SECTM1: variants seen among roughly 807,000 people sequenced by gnomAD.
SECTM1 encodes the protein secreted and transmembrane 1.
SECTM1 carries 10 observed loss-of-function variants against 18.1 expected under a neutral mutation model. That is an observed-to-expected ratio of 0.55 (90% CI 0.34 to 0.94). The LOEUF is 0.94. SECTM1 is among the 40% of genes least tolerant of loss of function. The pLI is 0.02. For missense variants in SECTM1, 297 were observed against 322.6 expected, an observed-to-expected ratio of 0.92 and a Z score of 0.61; for synonymous variants, 137 against 139.2, an observed-to-expected ratio of 0.98 and a Z score of 0.11.
At position 82,330,471 on chromosome 17, in the gene SECTM1, C is replaced by T. The variant is rs1046168784; in HGVS notation, c.-52-3179G>A. 5.9e-5 allele frequency among the ~76,000 whole-genome samples: 9 copies of T among 152,162 alleles called. No individual in the cohort carries two copies. The highest frequency in any genetic ancestry group is 2.2e-4 in the African/African-American group (9 of 41,450). ...CCACCCAGGTGCTGGCTCTGCCACC[C>T]GTCTGTGTCCTGAGTCAGCCCTGAC... On this transcript the variant is annotated intron_variant, in intron 1 of 4. Transcript: ENST00000269389. The surrounding 1 kb of genome is among the most constrained non-coding windows in gnomAD (Gnocchi z 6.1).
At chr17:82,322,483 C>T in intron 4 of SECTM1, 113 bp from the exon 5 acceptor site, 1 of 1,021,014 alleles carries the variant, frequency 9.8e-7, no homozygotes, top group Non-Finnish European at 1.5e-6. Context: ...ACACCCCCAC[C>T]CCCAGGCACA....
Position 82,324,758 on chromosome 17 carries a change from G to C in SECTM1, c.227C>G (p.Ala76Gly). The C allele has an allele frequency of 6.2e-7, 1 of 1,614,130 alleles. No individual in the cohort carries two copies. ...GCCTGGAGCCACCTCATTGAAGATGGCGCTCTCCTGCCCGTGGGCACGCAG... is the reference window on the plus strand; with the variant it reads ...GCCTGGAGCCACCTCATTGAAGATGCCGCTCTCCTGCCCGTGGGCACGCAG... ...IKLRAHGQES[A>G]IFNEVAPGYF... Residue 76 changes from alanine to glycine, a missense_variant, in exon 3 of 5, where the codon GCC becomes GGC. By Grantham distance (60) the Ala-to-Gly change is moderately conservative. Coordinates refer to ENST00000269389, the MANE Select transcript of SECTM1 (RefSeq NM_003004.3).
At chr17:82,323,135 G>C (rs1229088271) in intron 3 of SECTM1, 124 bp from the exon 4 acceptor site, 4 of 1,186,870 alleles carry the variant, frequency 3.4e-6, no homozygotes, top group Admixed American at 2.5e-5. Flanking sequence ...CTTGGAAGAC[G>C]GCACCGCCGT....
rs571801098 is a variant in SECTM1 at position 82,322,321 on chromosome 17, G to C, written c.587C>G (p.Ala196Gly). 1.9e-6 allele frequency: 3 copies of C among 1,613,460 alleles called. No homozygotes were observed. The highest frequency in any genetic ancestry group is 2.2e-5 in the South Asian group (2 of 91,040). Residue 196 changes from alanine (A) to glycine (G), a missense_variant, in exon 5 of 5, where the codon GCG (alanine) becomes GGG (glycine). Transcript: ENST00000269389. ...EPQMKVAALR[A>G]GAQQGLSRAS... Reference sequence around the variant, plus strand: ...TCTGCTCAGGCCCTGCTGGGCTCCCGCTCTGAGGGCTGCGACCTTCATCTG... The same window carrying C: ...TCTGCTCAGGCCCTGCTGGGCTCCCCCTCTGAGGGCTGCGACCTTCATCTG...
chr17:82,325,815 G>C lies in SECTM1; in HGVS notation c.95-925C>G, dbSNP rs1243060716. Among the ~76,000 whole-genome samples the C allele has an allele frequency of 6.6e-6, 1 of 152,236 alleles. No homozygotes were observed. The highest frequency in any genetic ancestry group is 1.5e-5 in the Non-Finnish European group (1 of 68,034). On this transcript the variant is annotated intron_variant, in intron 2 of 4. Coordinates refer to ENST00000269389, the MANE Select transcript of SECTM1 (RefSeq NM_003004.3). The surrounding 1 kb of genome is among the most constrained non-coding windows in gnomAD (Gnocchi z 7.6). ...AGTGACTGGACACGGACGGATGGAC[G>C]GACAGACGGACGGCAGGGTGAGCTC...
At chr17:82,323,314 G>T (rs377481806) in intron 3 of SECTM1, 370 of 365,796 alleles carry the variant, frequency 1.0e-3, no homozygotes, top group African/African-American at 7.1e-3. Context: ...AGGCCTCGGG[G>T]TTCTGGGGAA....
In SECTM1 at chr17:82,325,463, G is replaced by A. The variant is rs1033190503; in HGVS notation, c.95-573C>T. The stretch of plus-strand genomic sequence containing the variant: ...CATGGGTTCCAGCCTGTCCTTGTGG[G>A]GCCCAGCCTGCTTGTGCCACCCCCA... On this transcript the variant is annotated intron_variant, in intron 2 of 4. Coordinates refer to ENST00000269389, the MANE Select transcript of SECTM1 (RefSeq NM_003004.3). The surrounding 1 kb of genome is among the most constrained non-coding windows in gnomAD (Gnocchi z 7.6). 6.6e-6 allele frequency among the ~76,000 whole-genome samples: 1 copy of A among 152,208 alleles called. No homozygotes were observed. The highest frequency in any genetic ancestry group is 2.4e-5 in the African/African-American group (1 of 41,452).
rs939898396 is a variant in SECTM1 at position 82,325,857 on chromosome 17, A to C, written c.95-967T>G. Among the ~76,000 whole-genome samples the C allele has an allele frequency of 2.0e-5, 3 of 152,196 alleles. No individual in the cohort carries two copies. The highest frequency in any genetic ancestry group is 4.4e-5 in the Non-Finnish European group (3 of 68,030). ...GGTGAGCTCTCGGGGAGCACACAGC[A>C]TGCTGGTTGGAGCCGCCATTTGGCC... On this transcript the variant is annotated intron_variant, in intron 2 of 4. Coordinates refer to ENST00000269389, the MANE Select transcript of SECTM1 (RefSeq NM_003004.3). The surrounding 1 kb of genome is among the most constrained non-coding windows in gnomAD (Gnocchi z 7.6).
In SECTM1 at chr17:82,325,909, G is replaced by T. The variant is rs2052141828; in HGVS notation, c.95-1019C>A. Among the ~76,000 whole-genome samples the T allele has an allele frequency of 6.6e-6, 1 of 152,254 alleles. No individual in the cohort carries two copies. Among genetic ancestry groups the T allele is most frequent in the Non-Finnish European group, 1.5e-5 (1 of 68,052 alleles). ...CATTTCACCAAATACAAAACCACAT[G>T]GTGGGTGCCATGTGCTGGCAAGTGC... On this transcript the variant is annotated intron_variant, in intron 2 of 4. Transcript: ENST00000269389. The surrounding 1 kb of genome is among the most constrained non-coding windows in gnomAD (Gnocchi z 7.6).
rs960958419 is a variant in SECTM1 at position 82,324,828 on chromosome 17, T to C, written c.157A>G (p.Met53Val). ...AAGGCGTTGGAGATGTTGCAGGACA[T>C]GACGGTGTTCTCGCCCCAAGACACA... ...VSVSWGENTV[M>V]SCNISNAFSH... is the part of the protein sequence containing the mutation. The change falls in exon 3 of 5, where the codon ATG becomes GTG. Residue 53 changes from methionine to valine, a missense_variant. Transcript: ENST00000269389. 1 of 1,614,042 alleles carries C rather than the reference T, an allele frequency of 6.2e-7. No individual in the cohort carries two copies. The highest frequency in any genetic ancestry group is 2.2e-5 in the East Asian group (1 of 44,870).
chr17:82,324,204 G>A (rs2052124369), intron 3 of SECTM1, among the ~76,000 whole-genome samples: 1 of 152,044 alleles, frequency 6.6e-6, no homozygotes, highest in African/African-American at 2.4e-5. Context: ...GGCGGGGGGT[G>A]CCTGGGCTTC....
rs1052954762 is a variant in SECTM1, at chr17:82,328,450, T to G, written c.-52-1158A>C. 2.0e-5 allele frequency: 3 copies of G among 152,328 alleles called. No homozygotes were observed. Among genetic ancestry groups the G allele is most frequent in the Non-Finnish European group, 2.9e-5 (2 of 68,138 alleles). The allele number at this position is 152,328 out of a possible 1,614,324, so 9.4% of individuals were successfully genotyped here. On this transcript the variant is annotated intron_variant, in intron 1 of 4. Transcript: ENST00000269389. This position sits in a 1 kb window ranked among gnomAD's most constrained non-coding sequence, Gnocchi z 5.8. ...AGAGTGGCTGGGGGATGAGGGTCCC[T>G]GTGTGGAAGCTCCACAAAGCCCCAC...
In SECTM1 at chr17:82,327,174, C is replaced by T; in HGVS notation, c.67G>A (p.Ala23Thr). The T allele has an allele frequency of 6.2e-7, 1 of 1,612,304 alleles. No homozygotes were observed. The highest frequency in any genetic ancestry group is 8.5e-7 in the Non-Finnish European group (1 of 1,179,216). ...SQALGTLLFLAASLSAQNEGW... is the reference protein window; with the variant it reads ...SQALGTLLFLTASLSAQNEGW... Reference sequence around the variant, plus strand: ...TCATTCTGAGCACTCAAGGAGGCAGCCAAAAACAGGAGGGTCCCAAGGGCC... The same window carrying T: ...TCATTCTGAGCACTCAAGGAGGCAGTCAAAAACAGGAGGGTCCCAAGGGCC... The change falls in exon 2 of 5, where the codon GCT becomes ACT. Residue 23 changes from alanine to threonine, a missense_variant. Transcript: ENST00000269389.
rs541187589 is a variant in SECTM1, at chr17:82,325,048, C to T, written c.95-158G>A. Among the ~76,000 whole-genome samples the T allele has an allele frequency of 3.9e-5, 6 of 152,074 alleles. No individual in the cohort carries two copies. Among genetic ancestry groups the T allele is most frequent in the Non-Finnish European group, 7.4e-5 (5 of 68,008 alleles). ...CCCGACCCAATCAGCACATATATCT[C>T]GTGTGGGAAGAATAAAATAGCAACA... On this transcript the variant is annotated intron_variant, in intron 2 of 4. Coordinates refer to ENST00000269389, the MANE Select transcript of SECTM1 (RefSeq NM_003004.3). This position sits in a 1 kb window ranked among gnomAD's most constrained non-coding sequence, Gnocchi z 7.6.
In SECTM1 at chr17:82,322,318, C is replaced by T. The variant is rs753811854; in HGVS notation, c.590G>A (p.Gly197Glu). The part of the protein sequence containing the change: ...PQMKVAALRA[G>E]AQQGLSRASA... ...GGCTCTGCTCAGGCCCTGCTGGGCTCCCGCTCTGAGGGCTGCGACCTTCAT... is the reference window on the plus strand; with the variant it reads ...GGCTCTGCTCAGGCCCTGCTGGGCTTCCGCTCTGAGGGCTGCGACCTTCAT... The change falls in exon 5 of 5, where the codon GGA becomes GAA. Residue 197 changes from glycine to glutamate, a missense_variant. Coordinates refer to ENST00000269389, the MANE Select transcript of SECTM1 (RefSeq NM_003004.3). 6.2e-7 allele frequency: 1 copy of T among 1,613,426 alleles called. No homozygotes were observed. The highest frequency in any genetic ancestry group is 1.7e-5 in the Admixed American group (1 of 59,952).
rs1209408641 is a variant in SECTM1, at chr17:82,321,446, C to T, written c.*715G>A. 6.6e-6 allele frequency: 1 copy of T among 152,344 alleles called. No homozygotes were observed. The highest frequency in any genetic ancestry group is 6.5e-5 in the Admixed American group (1 of 15,290). 9.4% of individuals were successfully genotyped at this position (152,344 alleles called of 1,614,324 possible). A position where few individuals can be genotyped will look rare whatever the true frequency, so the allele number is the denominator to read the frequency against. On this transcript the variant is annotated 3_prime_UTR_variant, in exon 5 of 5. Transcript: ENST00000269389. ...CCCGCCGCAGTGACGAAGACAAAAGCATGAACAGATCTGGGTCCAAAGAGG... is the reference window on the plus strand; with the variant it reads ...CCCGCCGCAGTGACGAAGACAAAAGTATGAACAGATCTGGGTCCAAAGAGG...
Position 82,323,468 on chromosome 17 carries a change from G to A in SECTM1, c.404-457C>T, listed in dbSNP as rs139129345. Reference sequence around the variant, plus strand: ...AAGCGGAACCCAATTTGGGTGACCCGGGTAGGTCGGAACCGGGTGTGGTGA... The same window carrying A: ...AAGCGGAACCCAATTTGGGTGACCCAGGTAGGTCGGAACCGGGTGTGGTGA... On this transcript the variant is annotated intron_variant, in intron 3 of 4. Transcript: ENST00000269389. Among the ~76,000 whole-genome samples, 100 of 151,814 alleles carry A rather than the reference G, an allele frequency of 6.6e-4. 1 individual carries two copies. The highest frequency in any genetic ancestry group is 2.1e-3 in the African/African-American group (85 of 41,390).
chr17:82,329,811 C>T lies in SECTM1; in HGVS notation c.-52-2519G>A, dbSNP rs1040324890. On this transcript the variant is annotated intron_variant, in intron 1 of 4. Coordinates refer to ENST00000269389, the MANE Select transcript of SECTM1 (RefSeq NM_003004.3). The surrounding 1 kb of genome is among the most constrained non-coding windows in gnomAD (Gnocchi z 7.6). Reference sequence around the variant, plus strand: ...CTCTGCCATCTCCCCACCACTGCCCCCCAGCTGCTTCCCTCATCTCCCTGA... The same window carrying T: ...CTCTGCCATCTCCCCACCACTGCCCTCCAGCTGCTTCCCTCATCTCCCTGA... Among the ~76,000 whole-genome samples, 4 of 152,154 alleles carry T rather than the reference C, an allele frequency of 2.6e-5. No homozygotes were observed. The highest frequency in any genetic ancestry group is 1.5e-5 in the Non-Finnish European group (1 of 68,006).
At position 82,325,375 on chromosome 17, in the gene SECTM1, C is replaced by T. The variant is rs2147267865; in HGVS notation, c.95-485G>A. Among the ~76,000 whole-genome samples, 1 of 152,354 alleles carries T rather than the reference C, an allele frequency of 6.6e-6. No homozygotes were observed. Among genetic ancestry groups the T allele is most frequent in the Non-Finnish European group, 1.5e-5 (1 of 68,036 alleles). On this transcript the variant is annotated intron_variant, in intron 2 of 4. Coordinates refer to ENST00000269389, the MANE Select transcript of SECTM1 (RefSeq NM_003004.3). This position sits in a 1 kb window ranked among gnomAD's most constrained non-coding sequence, Gnocchi z 7.6. ...TAGGCCAGGTGCAGGTGCTCGGCTG[C>T]GTGAGGAAGGGCAGGGCTTCTGCAG...
Sources: gnomAD v4.1 joint callset for allele counts (sites outside exome capture counted in the v4.1 genomes callset) on GRCh38, gnomAD v4.1.1 for gene constraint, Gnocchi (gnomAD v3.1) non-coding constraint, MANE v1.5 for transcripts, NCBI Gene and HGNC (gene_info 2026-07-23, HGNC 2026-07-21) for gene names.